The following NRDE2 variants were observed in gnomAD, a reference collection of about 807,000 sequenced individuals.
NRDE2 encodes nuclear exosome regulator NRDE2.
NRDE2 carries 76 observed loss-of-function variants against 124.2 expected under a neutral mutation model. The ratio of observed to expected loss-of-function variants is 0.61; its 90% CI spans 0.51 to 0.74. The LOEUF is 0.74. Ranked by LOEUF, NRDE2 falls within the 30% of genes least tolerant of loss-of-function variation. The pLI is 0.00. For synonymous variants in NRDE2, 489 were observed against 528.1 expected (o/e 0.93, Z 1.01); for missense variants, 1,314 against 1,417.3 (o/e 0.93, Z 1.17).
intron 1 of NRDE2, among the ~76,000 whole-genome samples, chr14:90,318,938 A>G (rs1340139567): frequency 6.6e-6 from 1 of 152,212 alleles, no homozygotes; most frequent in Non-Finnish European, 1.5e-5. Context: ...ACTTTTCCTT[A>G]TAATAGTACT....
intron 4 of NRDE2, among the ~76,000 whole-genome samples, chr14:90,307,552 C>T (rs1243996729): frequency 6.6e-6 from 1 of 152,010 alleles, no homozygotes; most frequent in East Asian, 1.9e-4. Context: ...ATGGTGAAAC[C>T]CCATCTCTAC....
At chr14:90,280,046 C>T (rs534040795) in intron 12 of NRDE2, 1 of 152,306 alleles carries the variant, frequency 6.6e-6, no homozygotes, top group Non-Finnish European at 1.5e-5. Flanking sequence ...GGACTCCACT[C>T]TCCAATTTAC....
In NRDE2 at chr14:90,274,838, A is replaced by C. The variant is rs8007882; in HGVS notation, c.*3498T>G. 9,648 of 66,902 alleles carry C rather than the reference A, an allele frequency of 0.14. 554 individuals are homozygous for C. The highest frequency in any genetic ancestry group is 0.42 in the East Asian group (1,235 of 2,934). The allele number at this position is 66,902 out of a possible 1,614,324, so 4.1% of individuals were successfully genotyped here. A position where few individuals can be genotyped will look rare whatever the true frequency, so the allele number is the denominator to read the frequency against. ...CACACACACACACACACACACACAC[A>C]CCCCAATACATATGAATTGATCTGA... On this transcript the variant is annotated 3_prime_UTR_variant, in exon 14 of 14. Coordinates refer to ENST00000354366, the MANE Select transcript of NRDE2 (RefSeq NM_017970.4).
rs1891776987 is a variant in NRDE2, at chr14:90,275,197, T to A, written c.*3139A>T. On this transcript the variant is annotated 3_prime_UTR_variant, in exon 14 of 14. Transcript: ENST00000354366. ...TCCAATCAGAAGGAGACCAAAGAGA[T>A]GACAACCAAGTGCAGCTCCTGCTCC... is the stretch of plus-strand genomic sequence containing the variant. 1 of 152,178 alleles carries A rather than the reference T, an allele frequency of 6.6e-6. No homozygotes were observed. The highest frequency in any genetic ancestry group is 1.5e-5 in the Non-Finnish European group (1 of 68,048). The allele number at this position is 152,178 out of a possible 1,614,324, so 9.4% of individuals were successfully genotyped here.
rs1231266123 is a variant in NRDE2 at position 90,273,843 on chromosome 14, C to T, written c.*4493G>A. On this transcript the variant is annotated 3_prime_UTR_variant, in exon 14 of 14. Transcript: ENST00000354366. Reference sequence around the variant, plus strand: ...TCCTGACTCGTGGCACTTCATTTTCCACCAGCAGCAGCAGGCCCAGTCCCT... The same window carrying T: ...TCCTGACTCGTGGCACTTCATTTTCTACCAGCAGCAGCAGGCCCAGTCCCT... 1 of 154,956 alleles carries T rather than the reference C, an allele frequency of 6.5e-6. No individual in the cohort carries two copies. The highest frequency in any genetic ancestry group is 1.5e-5 in the Non-Finnish European group (1 of 68,334). 9.6% of individuals were successfully genotyped at this position (154,956 alleles called of 1,614,324 possible). A position where few individuals can be genotyped will look rare whatever the true frequency, so the allele number is the denominator to read the frequency against.
rs1262318855 is a variant in NRDE2 at position 90,298,317 on chromosome 14, C to G, written c.1609G>C (p.Gly537Arg). ...TGCTGGTGCATCCACGCCTTCCAGCCTCGGGCTCCCTTCTCCCCAGCCCGG... is the reference window on the plus strand; with the variant it reads ...TGCTGGTGCATCCACGCCTTCCAGCGTCGGGCTCCCTTCTCCCCAGCCCGG... The part of the protein sequence containing the change: ...EPRAGEKGAR[G>R]WKAWMHQQER... The change falls in exon 8 of 14, where the codon GGC (glycine) becomes CGC (arginine). Residue 537 changes from glycine (G) to arginine (R), a missense_variant. Coordinates refer to ENST00000354366, the MANE Select transcript of NRDE2 (RefSeq NM_017970.4). 2.5e-6 allele frequency: 4 copies of G among 1,613,740 alleles called. No homozygotes were observed. Among genetic ancestry groups the G allele is most frequent in the Admixed American group, 1.7e-5 (1 of 60,026 alleles).
chr14:90,306,031 G>C (rs1228001303), intron 4 of NRDE2, among the ~76,000 whole-genome samples: 1 of 152,164 alleles, frequency 6.6e-6, no homozygotes, highest in African/African-American at 2.4e-5. Context: ...CTGATGGATG[G>C]ACACATATGA....
chr14:90,294,511 A>T (rs1340867423), intron 8 of NRDE2, among the ~76,000 whole-genome samples: 2 of 152,208 alleles, frequency 1.3e-5, no homozygotes, highest in Non-Finnish European at 2.9e-5. Flanking sequence ...TTCGGCTTTA[A>T]AAAGGAAGGA....
intron 11 of NRDE2, 51 bp from the exon 12 acceptor site, chr14:90,286,543 T>A (rs764281041): frequency 5.0e-6 from 8 of 1,586,256 alleles, no homozygotes; most frequent in Non-Finnish European, 6.9e-6. Flanking sequence ...TCATCCTACA[T>A]CACAGAAGGA....
intron 4 of NRDE2, among the ~76,000 whole-genome samples, chr14:90,305,755 C>T (rs1302542752): frequency 6.6e-6 from 1 of 152,156 alleles, no homozygotes. Flanking sequence ...CAAGTAAGAA[C>T]GGTGATTGCC....
intron 1 of NRDE2, among the ~76,000 whole-genome samples, chr14:90,318,589 CG>C (rs1885135176): frequency 1.3e-5 from 2 of 152,006 alleles, no homozygotes; most frequent in Admixed American, 1.3e-4. Context: ...CACCTGAGGT[CG>C]GGAGTTTGAC....
Position 90,274,657 on chromosome 14 carries a change from ATAAGGACATGTCC to A in NRDE2, c.*3666_*3678del, listed in dbSNP as rs960301572. The A allele has an allele frequency of 6.6e-6, 1 of 152,208 alleles. No homozygotes were observed. The highest frequency in any genetic ancestry group is 1.5e-5 in the Non-Finnish European group (1 of 68,068). 9.4% of individuals were successfully genotyped at this position (152,208 alleles called of 1,614,324 possible). On this transcript the variant is annotated 3_prime_UTR_variant, in exon 14 of 14. Coordinates refer to ENST00000354366, the MANE Select transcript of NRDE2 (RefSeq NM_017970.4). ...AAAGCAAGGGAGTGCTCAAGGAATG[ATAAGGACATGTCC>A]TAAGGACACCGAAGCCTATGTGAAG...
In NRDE2 at chr14:90,304,046, T is replaced by TGCGTCTGGCTGC. The variant is rs1323990219; in HGVS notation, c.882_893dup (p.Ala298_Asp301dup). 6.2e-7 allele frequency: 1 copy of TGCGTCTGGCTGC among 1,614,152 alleles called. No individual in the cohort carries two copies. Among genetic ancestry groups the TGCGTCTGGCTGC allele is most frequent in the Admixed American group, 1.7e-5 (1 of 60,028 alleles). On this transcript the variant is annotated inframe_insertion, in exon 5 of 14. Transcript: ENST00000354366. ...GAGCCGCACTCTCGCTGTCTGGCTG[T>TGCGTCTGGCTGC]GCGTCTGGCTGCTTTGATTCCTGCT... is the stretch of plus-strand genomic sequence containing the variant.
At chr14:90,325,897 G>A (rs1885412132) in intron 1 of NRDE2, among the ~76,000 whole-genome samples, 1 of 152,160 alleles carries the variant, frequency 6.6e-6, no homozygotes, top group Admixed American at 6.5e-5. Context: ...GGTATTGGCT[G>A]TCTTTCCTGT....
rs1252909985 is a variant in NRDE2 at position 90,269,718 on chromosome 14, T to G, written c.*8618A>C. 1 of 633,002 alleles carries G rather than the reference T, an allele frequency of 1.6e-6. No homozygotes were observed. Among genetic ancestry groups the G allele is most frequent in the Non-Finnish European group, 2.6e-6 (1 of 381,718 alleles). 39.2% of individuals were successfully genotyped at this position (633,002 alleles called of 1,614,324 possible). ...TTGAGATGAGGGTTAAAACAGAGCA[T>G]GATATGGTCTGTGCACCTTGGCCCT... On this transcript the variant is annotated 3_prime_UTR_variant, in exon 14 of 14. Transcript: ENST00000354366.
intron 1 of NRDE2, among the ~76,000 whole-genome samples, chr14:90,328,280 T>C (rs895116751): frequency 2.2e-5 from 3 of 137,352 alleles, no homozygotes; most frequent in African/African-American, 8.4e-5. Flanking sequence ...CACTCCAGCC[T>C]GGGCGACAGC....
Position 90,290,573 on chromosome 14 carries a change from C to T in NRDE2, c.1877G>A (p.Arg626Lys). The T allele has an allele frequency of 6.2e-7, 1 of 1,612,960 alleles. No individual in the cohort carries two copies. Among genetic ancestry groups the T allele is most frequent in the Non-Finnish European group, 8.5e-7 (1 of 1,179,510 alleles). ...GAACTGAAGATCATGGCTGGAAAGT[C>T]TGATCAAAGATTGCCCAATATCATC... ...LFDDIGQSLI[R>K]LSSHDLQFQL... Residue 626 changes from arginine (R) to lysine (K), a missense_variant, in exon 10 of 14, where the codon AGA becomes AAA. By Grantham distance (26) the Arg-to-Lys change is conservative (BLOSUM62 2). Coordinates refer to ENST00000354366, the MANE Select transcript of NRDE2 (RefSeq NM_017970.4).
rs767693111 is a variant in NRDE2, at chr14:90,269,383, T to TC, written c.*8952_*8953insG. On this transcript the variant is annotated 3_prime_UTR_variant, in exon 14 of 14. Transcript: ENST00000354366. ...AGTTGAGTCTTCATTCCTTCCCTTT[T>TC]TTTTTTTCCAAAGATATGACTCCAA... The TC allele has an allele frequency of 1.3e-6, 2 of 1,596,616 alleles. No individual in the cohort carries two copies. The highest frequency in any genetic ancestry group is 2.2e-5 in the East Asian group (1 of 44,682).
intron 12 of NRDE2, 23 bp downstream of exon 12, chr14:90,286,331 A>C (rs952024314): frequency 6.8e-6 from 11 of 1,608,334 alleles, no homozygotes; most frequent in Non-Finnish European, 9.3e-6. Flanking sequence ...GCATGAACAC[A>C]AAACATCTCA....
Sources: allele counts gnomAD v4.1 joint callset (sites outside exome capture counted in the v4.1 genomes callset), GRCh38; gene constraint gnomAD v4.1.1; transcripts MANE v1.5; gene names NCBI Gene and HGNC (gene_info 2026-07-23, HGNC 2026-07-21).